The following DGKG variants were observed in gnomAD, a reference collection of about 807,000 sequenced individuals.
DGKG encodes diacylglycerol kinase gamma.
A neutral mutation model predicts 105.3 loss-of-function variants in DGKG; 78 were observed. That is an observed-to-expected ratio of 0.74 (90% confidence interval 0.62 to 0.89). The LOEUF (loss-of-function observed/expected upper bound fraction) is 0.89, where lower values mean the gene tolerates loss of function less well. DGKG is among the 40% of genes least tolerant of loss of function. The pLI is 0.00. For synonymous variants in DGKG, 346 were observed against 367.1 expected, an observed-to-expected ratio of 0.94 and a Z score of 0.66; for missense variants, 958 against 1,020.1, an observed-to-expected ratio of 0.94 and a Z score of 0.83.
In DGKG at chr3:186,252,951, A is replaced by G. The variant is rs543405838; in HGVS notation, c.1600+142T>C. 1.2e-4 allele frequency: 83 copies of G among 695,484 alleles called. 3 individuals carry two copies. The South Asian group carries it at 1.4e-3, about 11-fold the overall frequency. 43.1% of individuals were successfully genotyped at this position (695,484 alleles called of 1,614,324 possible). Reference sequence around the variant, plus strand: ...TGGGATGGAGGGCAGAGAAAGGGTCATGGACTTGACATGACTGCAGAGTTG... The same window carrying G: ...TGGGATGGAGGGCAGAGAAAGGGTCGTGGACTTGACATGACTGCAGAGTTG... On this transcript the variant is annotated intron_variant, in intron 18 of 24. Coordinates refer to ENST00000265022, the MANE Select transcript of DGKG (RefSeq NM_001346.3).
intron 21 of DGKG, among the ~76,000 whole-genome samples, chr3:186,190,104 G>C (rs1324207005): frequency 6.6e-6 from 1 of 152,174 alleles, no homozygotes; most frequent in Non-Finnish European, 1.5e-5. Flanking sequence ...GCACAGAGGA[G>C]GTTAAGTAAC....
intron 22 of DGKG, among the ~76,000 whole-genome samples, chr3:186,172,061 G>A (rs111644318): frequency 6.6e-6 from 1 of 152,118 alleles, no homozygotes; most frequent in Non-Finnish European, 1.5e-5. Context: ...TGGCCAGGCT[G>A]GTCTTGAACT....
At chr3:186,332,889 G>C (rs887350092) in intron 1 of DGKG, among the ~76,000 whole-genome samples, 1 of 151,922 alleles carries the variant, frequency 6.6e-6, no homozygotes, top group Non-Finnish European at 1.5e-5. Context: ...GAGGGGAACT[G>C]GTGGCTTTAT....
chr3:186,221,999 G>C (rs548721696), intron 20 of DGKG, among the ~76,000 whole-genome samples: 1 of 152,158 alleles, frequency 6.6e-6, no homozygotes, highest in Non-Finnish European at 1.5e-5. Flanking sequence ...CCCAAGGGTC[G>C]CGCTCTTTTG....
intron 5 of DGKG, among the ~76,000 whole-genome samples, chr3:186,293,022 G>GT (rs779072459): frequency 2.7e-4 from 41 of 151,912 alleles, no homozygotes; most frequent in Non-Finnish European, 5.1e-4. Flanking sequence ...GGGTCCAGAG[G>GT]TTTTTCACAC....
intron 3 of DGKG, among the ~76,000 whole-genome samples, chr3:186,299,658 A>G (rs932771743): frequency 8.6e-5 from 13 of 152,016 alleles, no homozygotes; most frequent in African/African-American, 2.9e-4. Context: ...CTCTGCCTCT[A>G]TAACTTCATT....
chr3:186,148,031 A>C lies in DGKG; in HGVS notation c.*2059T>G, dbSNP rs964750635. 2 of 985,442 alleles carry C rather than the reference A, an allele frequency of 2.0e-6. No individual in the cohort carries two copies. The highest frequency in any genetic ancestry group is 3.5e-5 in the African/African-American group (2 of 57,346). The allele number at this position is 985,442 out of a possible 1,614,324, so 61.0% of individuals were successfully genotyped here. On this transcript the variant is annotated 3_prime_UTR_variant, in exon 25 of 25. Transcript: ENST00000265022. ...AAGTGCCATTTGTACACACAATCTT[A>C]ATATTCCCTTCTTTGTCCAAAGCTC... is the stretch of plus-strand genomic sequence containing the variant.
intron 20 of DGKG, among the ~76,000 whole-genome samples, chr3:186,218,533 A>C (rs1338222959): frequency 6.8e-6 from 1 of 146,166 alleles, no homozygotes; most frequent in African/African-American, 2.5e-5. Context: ...AAAATGAAAG[A>C]CTCGGACCAA....
At chr3:186,201,196 C>T (rs1230671832) in intron 21 of DGKG, among the ~76,000 whole-genome samples, 2 of 151,388 alleles carry the variant, frequency 1.3e-5, no homozygotes, top group East Asian at 1.9e-4. Context: ...GGGATTCTTG[C>T]TCTGGATGCA....
chr3:186,177,731 G>T (rs1031181170), intron 22 of DGKG, among the ~76,000 whole-genome samples: 2 of 152,270 alleles, frequency 1.3e-5, no homozygotes, highest in East Asian at 3.9e-4. Context: ...TGTGATTTTG[G>T]CCCAGTCACT....
chr3:186,272,045 G>T (rs879193221), intron 11 of DGKG, among the ~76,000 whole-genome samples: 2 of 152,152 alleles, frequency 1.3e-5, no homozygotes, highest in Admixed American at 1.3e-4. Flanking sequence ...TACAACCTGT[G>T]TACCCCCTAG....
intron 1 of DGKG, among the ~76,000 whole-genome samples, chr3:186,326,447 A>ATCTCTCTCTC (rs60832383): frequency 7.2e-6 from 1 of 139,066 alleles, no homozygotes. Flanking sequence ...CACACCCCTC[A>ATCTCTCTCTC]TCTCTCTCTC....
intron 19 of DGKG, among the ~76,000 whole-genome samples, chr3:186,250,155 A>G (rs888382): frequency 0.96 from 146,548 of 152,240 alleles, 70,796 homozygotes; most frequent in East Asian, 1. Context: ...TGAGATGAGC[A>G]GGATAATGAT....
At chr3:186,287,468 C>G (rs1723124311) in intron 6 of DGKG, among the ~76,000 whole-genome samples, 1 of 152,280 alleles carries the variant, frequency 6.6e-6, no homozygotes, top group Middle Eastern at 3.4e-3. Context: ...GTACTCTCTA[C>G]TTTTATCTTT....
intron 13 of DGKG, among the ~76,000 whole-genome samples, chr3:186,266,757 C>T (rs1337687412): frequency 6.6e-6 from 1 of 152,110 alleles, no homozygotes; most frequent in Non-Finnish European, 1.5e-5. Flanking sequence ...ACTACCACGC[C>T]TGGCTAATTT....
rs1045813878 is a variant in DGKG, at chr3:186,149,435, A to T, written c.*655T>A. ...GTAGACACCAGGAGAAGGTTCCTGG[A>T]AAATAACAAGTGCCCACCGACGGCG... On this transcript the variant is annotated 3_prime_UTR_variant, in exon 25 of 25. Transcript: ENST00000265022. The T allele has an allele frequency of 9.1e-6, 9 of 985,334 alleles. No homozygotes were observed. The African/African-American group carries it at 1.4e-4, about 15-fold the overall frequency. The allele number at this position is 985,334 out of a possible 1,614,324, so 61.0% of individuals were successfully genotyped here. A position where few individuals can be genotyped will look rare whatever the true frequency, so the allele number is the denominator to read the frequency against.
In DGKG at chr3:186,213,247, C is replaced by T. The variant is rs150366148; in HGVS notation, c.1827-1362G>A. 4.6e-3 allele frequency among the ~76,000 whole-genome samples: 706 copies of T among 152,306 alleles called. 6 individuals are homozygous for T. The highest frequency in any genetic ancestry group is 0.015 in the African/African-American group (621 of 41,552). On this transcript the variant is annotated intron_variant, in intron 20 of 24. Transcript: ENST00000265022. ...AGAGCTGGGTGTACTGTAAGCAGAC[C>T]GGTGCTTCTCAACCCATGTGCTGTG...
rs75374789 is a variant in DGKG at position 186,285,719 on chromosome 3, G to A, written c.545-1010C>T. 3.7e-5 allele frequency among the ~76,000 whole-genome samples: 5 copies of A among 136,390 alleles called. No homozygotes were observed. The South Asian group carries it at 6.8e-4, about 19-fold the overall frequency. 89.5% of individuals were successfully genotyped at this position (136,390 alleles called of 152,430 possible). On this transcript the variant is annotated intron_variant, in intron 6 of 24. Coordinates refer to ENST00000265022, the MANE Select transcript of DGKG (RefSeq NM_001346.3). Reference sequence around the variant, plus strand: ...TTTGAGACAGAGTTTCACTCTTGTCGCCCAGGCTGGAGTGCAATGGCGCCA... The same window carrying A: ...TTTGAGACAGAGTTTCACTCTTGTCACCCAGGCTGGAGTGCAATGGCGCCA...
intron 20 of DGKG, among the ~76,000 whole-genome samples, chr3:186,214,447 A>G (rs1049119137): frequency 1.2e-4 from 18 of 152,242 alleles, no homozygotes; most frequent in Non-Finnish European, 1.9e-4. Context: ...TTGAGCTGGC[A>G]TATTTGGATA....
Sources: allele counts gnomAD v4.1 joint callset (sites outside exome capture counted in the v4.1 genomes callset), GRCh38; gene constraint gnomAD v4.1.1; transcripts MANE v1.5; gene names NCBI Gene and HGNC (gene_info 2026-07-23, HGNC 2026-07-21).